The following RGS22 variants were observed in gnomAD, a reference collection of about 807,000 sequenced individuals.
RGS22 encodes the protein regulator of G protein signaling 22.
Under a neutral mutation model 172.9 loss-of-function variants are expected in RGS22, and 148 were observed. That is an observed-to-expected ratio of 0.86 (90% CI 0.75 to 0.98). RGS22 has a LOEUF of 0.98. RGS22 is among the 50% of genes least tolerant of loss of function. The probability of loss-of-function intolerance (pLI) is 0.00; values close to 1 mark genes in which losing one functional copy is unlikely to be tolerated. For synonymous variants in RGS22, 458 were observed against 480.2 expected, an observed-to-expected ratio of 0.95 and a Z score of 0.60; for missense variants, 1,347 against 1,440.8, an observed-to-expected ratio of 0.93 and a Z score of 1.05.
chr8:99,989,897 TAGATAGATATAG>T (rs1207335485), intron 20 of RGS22, among the ~76,000 whole-genome samples: 14 of 150,702 alleles, frequency 9.3e-5, no homozygotes, highest in African/African-American at 3.4e-4. Flanking sequence ...GATAGATAGA[TAGATAGATATAG>T]ATAGATAGAT....
At chr8:99,967,146 A>C (rs1256492626) in intron 23 of RGS22, among the ~76,000 whole-genome samples, 1 of 152,136 alleles carries the variant, frequency 6.6e-6, no homozygotes, top group Non-Finnish European at 1.5e-5. Flanking sequence ...CCCCTAGCCA[A>C]GGGAAGCCAT....
intron 12 of RGS22, among the ~76,000 whole-genome samples, chr8:100,040,787 C>G (rs1043550739): frequency 1.3e-5 from 2 of 152,072 alleles, no homozygotes; most frequent in African/African-American, 4.8e-5. Context: ...TAGACTACTT[C>G]TTTATAATAA....
chr8:100,105,319 T>G, intron 2 of RGS22, 55 bp downstream of exon 2: 1 of 1,343,234 alleles, frequency 7.4e-7, no homozygotes, highest in South Asian at 1.2e-5. Flanking sequence ...TGATCTAATA[T>G]TTGCTATTTT....
intron 23 of RGS22, among the ~76,000 whole-genome samples, 171 bp downstream of exon 23, chr8:99,977,746 A>C (rs1812131949): frequency 1.3e-5 from 2 of 152,180 alleles, no homozygotes; most frequent in South Asian, 4.1e-4. Flanking sequence ...ATTTGAAATG[A>C]ATTTAGAGGA....
Position 99,977,971 on chromosome 8 carries a change from T to G in RGS22, c.3465A>C (p.Glu1155Asp). 6.4e-7 allele frequency: 1 copy of G among 1,564,450 alleles called. No homozygotes were observed. The highest frequency in any genetic ancestry group is 8.6e-7 in the Non-Finnish European group (1 of 1,163,254). Reference sequence around the variant, plus strand: ...CCAATTTTTTTTTCTGCTTATTATATTCTTGTCTTCTCTCTAAAACACTCA... The same window carrying G: ...CCAATTTTTTTTTCTGCTTATTATAGTCTTGTCTTCTCTCTAAAACACTCA... ...NIMSVLERRQ[E>D]YNKQKKKLAV... The change falls in exon 23 of 28, where the codon GAA becomes GAC. Residue 1155 changes from glutamate (E) to aspartate (D), a missense_variant. Coordinates refer to ENST00000360863, the MANE Select transcript of RGS22 (RefSeq NM_015668.5).
intron 17 of RGS22, chr8:100,003,029 T>G (rs1815268467): frequency 6.4e-6 from 1 of 155,876 alleles, no homozygotes; most frequent in Admixed American, 6.4e-5. Context: ...CACTTCAGCC[T>G]GGGCGACAGA....
intron 2 of RGS22, among the ~76,000 whole-genome samples, chr8:100,095,923 T>A (rs901636489): frequency 6.6e-6 from 1 of 152,230 alleles, no homozygotes; most frequent in Non-Finnish European, 1.5e-5. Flanking sequence ...GGGAAATAAG[T>A]GTTGCCTGCA....
chr8:100,005,287 G>A (rs1239584610), intron 16 of RGS22, among the ~76,000 whole-genome samples: 4 of 152,016 alleles, frequency 2.6e-5, no homozygotes, highest in African/African-American at 9.7e-5. Context: ...TTTGGTGAGT[G>A]TCTTTTCAGA....
In RGS22 at chr8:99,982,040, G is replaced by A. The variant is rs1262407426; in HGVS notation, c.3257C>T (p.Ser1086Phe). 1 of 1,613,708 alleles carries A rather than the reference G, an allele frequency of 6.2e-7. No homozygotes were observed. The highest frequency in any genetic ancestry group is 8.5e-7 in the Non-Finnish European group (1 of 1,179,732). ...ITTIINCFIN[S>F]SIPPALQIDI... is the part of the protein sequence containing the mutation. ...AATTTGTAAAGCTGGTGGAATACTG[G>A]AATTAATAAAGCAGTTGATAATAGT... The change falls in exon 22 of 28, where the codon TCC (serine) becomes TTC (phenylalanine). Residue 1086 changes from serine (S) to phenylalanine (F), a missense_variant. Ser to Phe is a radical substitution (Grantham distance 155). Transcript: ENST00000360863.
Position 99,981,265 on chromosome 8 carries a change from G to T in RGS22, c.3360+672C>A, listed in dbSNP as rs80147810. On this transcript the variant is annotated intron_variant, in intron 22 of 27. Transcript: ENST00000360863. ...AGAAGTAACTTGAGCAGGTTAACAG[G>T]CACAATTTTCCTTTCATGAGTTTGT... 4.6e-3 allele frequency among the ~76,000 whole-genome samples: 695 copies of T among 152,232 alleles called. 6 individuals are homozygous for T. Among genetic ancestry groups the T allele is most frequent in the African/African-American group, 0.016 (646 of 41,542 alleles).
At chr8:100,042,922 A>C (rs1419989199) in intron 11 of RGS22, among the ~76,000 whole-genome samples, 3 of 152,188 alleles carry the variant, frequency 2.0e-5, no homozygotes, top group Admixed American at 2.0e-4. Flanking sequence ...GGAGCTTCTG[A>C]GGAAGCTTGC....
chr8:100,036,129 A>C (rs1032775140), intron 14 of RGS22, among the ~76,000 whole-genome samples: 1 of 151,046 alleles, frequency 6.6e-6, no homozygotes, highest in Non-Finnish European at 1.5e-5. Flanking sequence ...AAAGAAAAAA[A>C]ATTGAAATAA....
intron 10 of RGS22, among the ~76,000 whole-genome samples, chr8:100,048,105 CTTAGAG>C (rs1820923578): frequency 2.0e-5 from 3 of 151,784 alleles, no homozygotes. Flanking sequence ...TTTTCCCATT[CTTAGAG>C]TTATTTATGG....
chr8:99,966,714 T>A (rs1460597193), intron 23 of RGS22, among the ~76,000 whole-genome samples: 3 of 152,184 alleles, frequency 2.0e-5, no homozygotes, highest in African/African-American at 7.2e-5. Context: ...TTCAAATTAG[T>A]CTTTAAAAAT....
At chr8:100,000,077 CA>C (rs1308136142) in intron 18 of RGS22, among the ~76,000 whole-genome samples, 1 of 152,106 alleles carries the variant, frequency 6.6e-6, no homozygotes, top group Non-Finnish European at 1.5e-5. Context: ...TTGTAAAACA[CA>C]ACTTCTTTGT....
chr8:99,982,590 G>A (rs1396708340), intron 21 of RGS22, among the ~76,000 whole-genome samples: 2 of 152,162 alleles, frequency 1.3e-5, no homozygotes, highest in Non-Finnish European at 2.9e-5. Context: ...ATTGAGAATA[G>A]GCACCTAACT....
intron 2 of RGS22, among the ~76,000 whole-genome samples, chr8:100,103,005 G>A (rs577009623): frequency 2.0e-5 from 3 of 152,106 alleles, no homozygotes; most frequent in Non-Finnish European, 2.9e-5. Flanking sequence ...CACCTAATAG[G>A]GTTGTTTTGA....
chr8:100,079,227 G>C lies in RGS22; in HGVS notation c.339+907C>G, dbSNP rs1020465423. Among the ~76,000 whole-genome samples, 5 of 152,140 alleles carry C rather than the reference G, an allele frequency of 3.3e-5. No individual in the cohort carries two copies. In the East Asian group the frequency reaches 9.6e-4, roughly 29 times the overall value. On this transcript the variant is annotated intron_variant, in intron 4 of 27. Coordinates refer to ENST00000360863, the MANE Select transcript of RGS22 (RefSeq NM_015668.5). ...AAATTTTTAAACTAACAATTATATA[G>C]TACTGTGTAGCGCAGAATATATATC...
At chr8:100,057,748 G>T (rs1809760633) in intron 9 of RGS22, among the ~76,000 whole-genome samples, 1 of 152,084 alleles carries the variant, frequency 6.6e-6, no homozygotes. Context: ...ATATTACTCA[G>T]TCTCAGGCAT....
Sources: gnomAD v4.1 joint callset for allele counts (sites outside exome capture counted in the v4.1 genomes callset) on GRCh38, gnomAD v4.1.1 for gene constraint, MANE v1.5 for transcripts, NCBI Gene and HGNC (gene_info 2026-07-23, HGNC 2026-07-21) for gene names.